Variants in ATP2B2 observed in about 807,000 individuals in gnomAD.
The protein encoded by ATP2B2 is ATPase plasma membrane Ca2+ transporting 2, also known as plasma membrane calcium-transporting ATPase 2.
In ATP2B2, 15 loss-of-function variants were observed where a neutral mutation model predicts 120.0. The ratio of observed to expected loss-of-function variants is 0.12; its 90% CI spans 0.08 to 0.19. The LOEUF is 0.19. Ranked by LOEUF, ATP2B2 falls within the 10% of genes least tolerant of loss-of-function variation. The pLI, the probability that ATP2B2 is intolerant of heterozygous loss-of-function variation, is 1.00. For missense variants in ATP2B2, 1,045 were observed against 1,719.8 expected, an observed-to-expected ratio of 0.61 and a Z score of 6.94; for synonymous variants, 694 against 700.3, an observed-to-expected ratio of 0.99 and a Z score of 0.14.
chr3:10,517,876 C>T (rs1406283677), intron 3 of ATP2B2, among the ~76,000 whole-genome samples: 1 of 152,162 alleles, frequency 6.6e-6, no homozygotes, highest in Non-Finnish European at 1.5e-5. Context: ...CTTTCCCTGT[C>T]GTTGAGGGAG....
chr3:10,463,952 C>T (rs891475635), intron 1 of ATP2B2, among the ~76,000 whole-genome samples: 44 of 152,220 alleles, frequency 2.9e-4, no homozygotes, highest in Non-Finnish European at 4.3e-4. Flanking sequence ...ACCTCAAACT[C>T]ATCCTCTGCG....
chr3:10,431,830 T>C (rs2063325439), intron 2 of ATP2B2, among the ~76,000 whole-genome samples: 1 of 152,166 alleles, frequency 6.6e-6, no homozygotes, highest in South Asian at 2.1e-4. Flanking sequence ...TTTTAGGTTT[T>C]GCTTTTCCAA....
intron 5 of ATP2B2, among the ~76,000 whole-genome samples, chr3:10,390,098 C>T (rs2061800652): frequency 6.6e-6 from 1 of 152,114 alleles, no homozygotes; most frequent in Non-Finnish European, 1.5e-5. Flanking sequence ...GTAAGAATTC[C>T]ACCCTGGCCT....
chr3:10,345,740 C>G lies in ATP2B2; in HGVS notation c.2512-165G>C, dbSNP rs139085540. Among the ~76,000 whole-genome samples the G allele has an allele frequency of 1.1e-4, 16 of 152,308 alleles. No homozygotes were observed. In the East Asian group the frequency reaches 3.1e-3, roughly 29 times the overall value. The stretch of plus-strand genomic sequence containing the variant: ...CCCCACTCTTCACGCTCCTCACAGA[C>G]CCAGCTCCCTTCACCCTCAGGAAGC... On this transcript the variant is annotated intron_variant, in intron 17 of 22. Transcript: ENST00000360273.
At chr3:10,544,705 G>A (rs769124243) in intron 2 of ATP2B2, among the ~76,000 whole-genome samples, 12 of 152,186 alleles carry the variant, frequency 7.9e-5, no homozygotes, top group Non-Finnish European at 1.2e-4. Context: ...GTGCTCAAGA[G>A]CCCCAGATCA....
intron 8 of ATP2B2, among the ~76,000 whole-genome samples, chr3:10,384,381 T>G (rs1049764949): frequency 5.9e-5 from 9 of 152,230 alleles, no homozygotes; most frequent in African/African-American, 2.2e-4. Flanking sequence ...GGAGCCCTAA[T>G]GGCTCTCAAC....
chr3:10,627,986 A>G (rs1259664527), intron 1 of ATP2B2, among the ~76,000 whole-genome samples: 1 of 152,154 alleles, frequency 6.6e-6, no homozygotes, highest in Non-Finnish European at 1.5e-5. Flanking sequence ...ACCTGAAGCT[A>G]TGCAGGTGGG....
intron 1 of ATP2B2, among the ~76,000 whole-genome samples, chr3:10,685,170 G>T (rs2071488448): frequency 6.6e-6 from 1 of 152,202 alleles, no homozygotes; most frequent in Admixed American, 6.5e-5. Context: ...TGGGGTTGCT[G>T]TGAGGATCAA....
chr3:10,386,376 T>A, intron 7 of ATP2B2, 104 bp downstream of exon 7: 8 of 1,323,566 alleles, frequency 6.0e-6, no homozygotes, highest in Non-Finnish European at 8.7e-6. Flanking sequence ...CACAGGCATG[T>A]GGCCTCCTCC....
At chr3:10,576,605 C>A (rs1474231929) in intron 2 of ATP2B2, among the ~76,000 whole-genome samples, 1 of 152,040 alleles carries the variant, frequency 6.6e-6, no homozygotes, top group East Asian at 1.9e-4. Flanking sequence ...GTCTTCAACT[C>A]CTGGCCTCAA....
intron 2 of ATP2B2, among the ~76,000 whole-genome samples, chr3:10,569,882 G>T (rs534428184): frequency 6.6e-5 from 10 of 152,312 alleles, no homozygotes; most frequent in African/African-American, 1.9e-4. Context: ...GCCTAACACA[G>T]ACTGGGATAC....
rs76080986 is a variant in ATP2B2 at position 10,698,851 on chromosome 3, C to G, written c.-460+9064G>C. ...CTCCTCTGTAAAATGGGGATGGAGA[C>G]ATTCCTTGCAGGGTGGTGGTGAGGC... is the stretch of plus-strand genomic sequence containing the variant. On this transcript the variant is annotated intron_variant, in intron 1 of 21. Transcript: ENST00000646379. Among the ~76,000 whole-genome samples the G allele has an allele frequency of 5.5e-3, 831 of 152,336 alleles. 10 individuals carry two copies. Among genetic ancestry groups the G allele is most frequent in the African/African-American group, 0.019 (781 of 41,560 alleles).
intron 1 of ATP2B2, among the ~76,000 whole-genome samples, chr3:10,481,837 A>G (rs1008047339): frequency 5.3e-5 from 8 of 152,332 alleles, no homozygotes; most frequent in East Asian, 1.9e-4. Flanking sequence ...TACAGGTGTG[A>G]GCCACCATGT....
At chr3:10,628,111 G>A (rs2069757314) in intron 1 of ATP2B2, among the ~76,000 whole-genome samples, 1 of 152,218 alleles carries the variant, frequency 6.6e-6, no homozygotes, top group Non-Finnish European at 1.5e-5. Flanking sequence ...TGGAGCAGGG[G>A]GCGGGGACCT....
At chr3:10,366,297 G>C (rs952428855) in intron 12 of ATP2B2, among the ~76,000 whole-genome samples, 4 of 152,120 alleles carry the variant, frequency 2.6e-5, no homozygotes, top group African/African-American at 9.7e-5. Context: ...AAGATTTATG[G>C]GAAATACAGC....
chr3:10,329,152 G>C lies in ATP2B2; in HGVS notation c.3421-27C>G. The C allele has an allele frequency of 6.5e-7, 1 of 1,537,338 alleles. No individual in the cohort carries two copies. Among genetic ancestry groups the C allele is most frequent in the Non-Finnish European group, 8.8e-7 (1 of 1,137,110 alleles). On this transcript the variant is annotated intron_variant, in intron 22 of 22. Coordinates refer to ENST00000360273, the MANE Select transcript of ATP2B2 (RefSeq NM_001001331.4). This position sits in a 1 kb window ranked among gnomAD's most constrained non-coding sequence, Gnocchi z 5.9. ...TGCAAGGGAAGCACAGGGGTCAGGA[G>C]CACTGCCCAGGGACCACAGCCAGGC... is the stretch of plus-strand genomic sequence containing the variant.
intron 12 of ATP2B2, among the ~76,000 whole-genome samples, chr3:10,364,219 T>A (rs1028535712): frequency 6.6e-5 from 10 of 152,036 alleles, no homozygotes; most frequent in Non-Finnish European, 1.5e-4. Flanking sequence ...GTGCCAGACA[T>A]GGGAGGAGAG....
At chr3:10,516,940 T>C (rs770597812) in intron 3 of ATP2B2, among the ~76,000 whole-genome samples, 18 of 152,076 alleles carry the variant, frequency 1.2e-4, no homozygotes, top group Non-Finnish European at 2.5e-4. Context: ...GGGCAATGCT[T>C]GTTTAGATCT....
chr3:10,559,361 T>A (rs570428309), intron 2 of ATP2B2, among the ~76,000 whole-genome samples: 2 of 152,318 alleles, frequency 1.3e-5, no homozygotes, highest in East Asian at 3.9e-4. Flanking sequence ...TTATTGCACA[T>A]GTTCAAAAAT....
Sources: allele counts gnomAD v4.1 joint callset (sites outside exome capture counted in the v4.1 genomes callset), GRCh38; gene constraint gnomAD v4.1.1; non-coding constraint Gnocchi (gnomAD v3.1); transcripts MANE v1.5; gene names NCBI Gene and HGNC (gene_info 2026-07-23, HGNC 2026-07-21).